ZNF569: variants seen among roughly 807,000 people sequenced by gnomAD.
ZNF569 encodes DNA-binding protein.
ZNF569 carries 38 observed loss-of-function variants against 56.3 expected under a neutral mutation model. The ratio of observed to expected loss-of-function variants is 0.68; its 90% CI spans 0.52 to 0.88. ZNF569 has a LOEUF of 0.88. Ranked by LOEUF, ZNF569 falls within the 40% of genes least tolerant of loss-of-function variation. The pLI, the probability that ZNF569 is intolerant of heterozygous loss-of-function variation, is 0.00. For synonymous variants in ZNF569, 241 were observed against 262.9 expected, an observed-to-expected ratio of 0.92 and a Z score of 0.81; for missense variants, 666 against 809.2, an observed-to-expected ratio of 0.82 and a Z score of 2.15.
At chr19:37,416,523 G>A (rs186616777) in intron 5 of ZNF569, among the ~76,000 whole-genome samples, 4 of 152,138 alleles carry the variant, frequency 2.6e-5, no homozygotes, top group Admixed American at 2.6e-4. Flanking sequence ...AATGATAAAA[G>A]TATTTTCTTA....
intron 3 of ZNF569, among the ~76,000 whole-genome samples, chr19:37,428,340 CAATAAATGAATG>C (rs781110333): frequency 6.7e-6 from 1 of 150,358 alleles, no homozygotes; most frequent in Admixed American, 6.6e-5. Flanking sequence ...CTCATCTCTA[CAATAAATGAATG>C]AATGAATGAA....
intron 3 of ZNF569, among the ~76,000 whole-genome samples, chr19:37,436,550 T>C (rs1487367872): frequency 2.0e-5 from 3 of 151,726 alleles, no homozygotes; most frequent in Non-Finnish European, 4.4e-5. Flanking sequence ...AAAATCAGTT[T>C]TTTAAAAAAA....
At chr19:37,460,679 T>C (rs868444824) in intron 2 of ZNF569, among the ~76,000 whole-genome samples, 3 of 151,634 alleles carry the variant, frequency 2.0e-5, no homozygotes, top group South Asian at 2.1e-4. Flanking sequence ...TGCTTGAACA[T>C]AGGAGTTCAA....
At chr19:37,463,846 A>C (rs1394786064) in intron 2 of ZNF569, among the ~76,000 whole-genome samples, 1 of 152,204 alleles carries the variant, frequency 6.6e-6, no homozygotes, top group African/African-American at 2.4e-5. Context: ...CTTAGTTTTC[A>C]GCAAAGGAGT....
Position 37,414,855 on chromosome 19 carries a change from T to C in ZNF569, c.239-436A>G, listed in dbSNP as rs554553696. Among the ~76,000 whole-genome samples, 5 of 152,128 alleles carry C rather than the reference T, an allele frequency of 3.3e-5. No individual in the cohort carries two copies. In the South Asian group the frequency reaches 1.0e-3, roughly 32 times the overall value. On this transcript the variant is annotated intron_variant, in intron 5 of 5. Transcript: ENST00000316950. ...GATTGTAAATTACTAAAACTGACACTACAAGATGCAAAAAACTTATCTAAA... is the reference window on the plus strand; with the variant it reads ...GATTGTAAATTACTAAAACTGACACCACAAGATGCAAAAAACTTATCTAAA...
At chr19:37,427,910 A>G in intron 3 of ZNF569, 1 of 430,022 alleles carries the variant, frequency 2.3e-6, no homozygotes, top group Non-Finnish European at 4.8e-6. Flanking sequence ...ATTACAGGGA[A>G]GAACATGAGC....
intron 2 of ZNF569, among the ~76,000 whole-genome samples, chr19:37,445,282 G>A (rs554655286): frequency 3.3e-5 from 5 of 152,250 alleles, no homozygotes; most frequent in African/African-American, 1.2e-4. Context: ...TTAAAGTATT[G>A]AGACATTTAA....
intron 3 of ZNF569, among the ~76,000 whole-genome samples, chr19:37,443,607 A>C (rs1292621739): frequency 6.6e-6 from 1 of 152,208 alleles, no homozygotes; most frequent in Non-Finnish European, 1.5e-5. Context: ...AAATGATTAC[A>C]GTGTGGCTCA....
intron 2 of ZNF569, among the ~76,000 whole-genome samples, chr19:37,451,813 T>C (rs1304415189): frequency 6.6e-6 from 1 of 152,236 alleles, no homozygotes; most frequent in African/African-American, 2.4e-5. Context: ...CTTCAGCCTA[T>C]GTGTGCCGTT....
At chr19:37,432,537 A>G (rs1209700371) in intron 3 of ZNF569, among the ~76,000 whole-genome samples, 2 of 152,234 alleles carry the variant, frequency 1.3e-5, no homozygotes, top group Admixed American at 1.3e-4. Flanking sequence ...AAATACCTGG[A>G]AAGTCTTGCC....
At chr19:37,429,370 T>C (rs946177516) in intron 3 of ZNF569, among the ~76,000 whole-genome samples, 3 of 152,140 alleles carry the variant, frequency 2.0e-5, no homozygotes, top group Non-Finnish European at 2.9e-5. Flanking sequence ...GGCAGAGCAA[T>C]GAAGGAGAAA....
chr19:37,417,032 C>T (rs895276687), intron 5 of ZNF569, among the ~76,000 whole-genome samples: 1 of 152,060 alleles, frequency 6.6e-6, no homozygotes, highest in African/African-American at 2.4e-5. Context: ...CGATACGACT[C>T]GTGTTCTTAG....
At chr19:37,467,870 C>T, upstream of ZNF569, 2 of 1,536,024 alleles carry the variant, frequency 1.3e-6, no homozygotes, top group Non-Finnish European at 1.7e-6. Flanking sequence ...TGATTCTGAC[C>T]TTGCAGTTTT....
intron 2 of ZNF569, among the ~76,000 whole-genome samples, chr19:37,463,614 T>A (rs904107503): frequency 1.3e-5 from 2 of 152,250 alleles, no homozygotes; most frequent in South Asian, 2.1e-4. Flanking sequence ...TTAGAGTATA[T>A]CCCTACCTAA....
At chr19:37,416,797 A>G (rs2040941583) in intron 5 of ZNF569, among the ~76,000 whole-genome samples, 2 of 152,346 alleles carry the variant, frequency 1.3e-5, no homozygotes, top group Admixed American at 1.3e-4. Flanking sequence ...AAAAAGTATG[A>G]AAAATATACA....
At position 37,425,963 on chromosome 19, in the gene ZNF569, C is replaced by T; in HGVS notation, c.143G>A (p.Gly48Asp). Residue 48 changes from glycine to aspartate, a missense_variant and splice_region_variant, in exon 5 of 6, where the codon GGC becomes GAC. Transcript: ENST00000316950. ...LENYNNLITV[G>D]YPFTKPDVIF... ...CACATCAGGTTTGGTGAACGGATAG[C>T]CTGTCAAAGGGAAGTTACATAGATT... 1 of 1,613,710 alleles carries T rather than the reference C, an allele frequency of 6.2e-7. No homozygotes were observed. The highest frequency in any genetic ancestry group is 8.5e-7 in the Non-Finnish European group (1 of 1,179,778).
chr19:37,449,476 T>TA, intron 2 of ZNF569, among the ~76,000 whole-genome samples: 1 of 152,314 alleles, frequency 6.6e-6, no homozygotes, highest in African/African-American at 2.4e-5. Flanking sequence ...TGCGTGTGTC[T>TA]ATTTCTCCTT....
intron 3 of ZNF569, among the ~76,000 whole-genome samples, chr19:37,427,261 G>A (rs567623525): frequency 6.6e-6 from 1 of 151,832 alleles, no homozygotes; most frequent in Non-Finnish European, 1.5e-5. Flanking sequence ...AGGTTGCAGT[G>A]AGTCGTGATT....
At chr19:37,416,250 C>CAAAAAAAAAAAAA (rs1239792068) in intron 5 of ZNF569, among the ~76,000 whole-genome samples, 1 of 124,290 alleles carries the variant, frequency 8.0e-6, no homozygotes, top group Admixed American at 8.0e-5. Context: ...AACAAACAAA[C>CAAAAAAAAAAAAA]AAAAAAACAA....
Sources: gnomAD v4.1 joint callset for allele counts (sites outside exome capture counted in the v4.1 genomes callset) on GRCh38, gnomAD v4.1.1 for gene constraint, MANE v1.5 for transcripts, NCBI Gene and HGNC (gene_info 2026-07-23, HGNC 2026-07-21) for gene names.